NXPH1: variants seen among roughly 807,000 people sequenced by gnomAD.
NXPH1 encodes neurexophilin 1.
A neutral mutation model predicts 23.7 loss-of-function variants in NXPH1; 5 were observed. The ratio of observed to expected loss-of-function variants is 0.21; its 90% CI spans 0.11 to 0.44. The LOEUF (loss-of-function observed/expected upper bound fraction) is 0.44, where lower values mean the gene tolerates loss of function less well. Ranked by LOEUF, NXPH1 falls within the 20% of genes least tolerant of loss-of-function variation. The pLI, the probability that NXPH1 is intolerant of heterozygous loss-of-function variation, is 0.99. For missense variants in NXPH1, 324 were observed against 321.6 expected, an observed-to-expected ratio of 1.01 and a Z score of -0.06; for synonymous variants, 144 against 122.2, an observed-to-expected ratio of 1.18 and a Z score of -1.18.
At chr7:8,573,583 C>T (rs1353041781) in intron 2 of NXPH1, among the ~76,000 whole-genome samples, 1 of 152,104 alleles carries the variant, frequency 6.6e-6, no homozygotes, top group Non-Finnish European at 1.5e-5. Context: ...TACAAACAGC[C>T]TGAAAAGGCA....
At chr7:8,558,427 T>C (rs1436153299) in intron 2 of NXPH1, among the ~76,000 whole-genome samples, 2 of 151,640 alleles carry the variant, frequency 1.3e-5, no homozygotes, top group Admixed American at 6.6e-5. Flanking sequence ...TATTAGTAAA[T>C]GGTTAACAGT....
intron 2 of NXPH1, among the ~76,000 whole-genome samples, chr7:8,541,740 G>A: frequency 6.6e-6 from 1 of 151,516 alleles, no homozygotes. Context: ...GGGGGAAAAT[G>A]GAAGTATATT....
chr7:8,626,861 T>C (rs147191387), intron 2 of NXPH1, among the ~76,000 whole-genome samples: 31 of 152,236 alleles, frequency 2.0e-4, no homozygotes, highest in African/African-American at 5.8e-4. Context: ...CTGGGCACTC[T>C]GCCTACTTAC....
At chr7:8,674,190 C>T (rs1820913857) in intron 2 of NXPH1, among the ~76,000 whole-genome samples, 3 of 143,932 alleles carry the variant, frequency 2.1e-5, no homozygotes, top group Non-Finnish European at 4.6e-5. Context: ...CACACACACA[C>T]ACACACACAC....
chr7:8,567,356 A>G (rs767091806), intron 2 of NXPH1, among the ~76,000 whole-genome samples: 1 of 151,926 alleles, frequency 6.6e-6, no homozygotes, highest in Non-Finnish European at 1.5e-5. Context: ...CAGGGGTCTT[A>G]TAGTAAATAC....
chr7:8,696,181 T>A (rs1389463585), intron 2 of NXPH1, among the ~76,000 whole-genome samples: 3 of 152,224 alleles, frequency 2.0e-5, no homozygotes, highest in Non-Finnish European at 4.4e-5. Flanking sequence ...AAAACTAACT[T>A]ACGTTTTCTG....
At chr7:8,662,959 C>A (rs938882355) in intron 2 of NXPH1, among the ~76,000 whole-genome samples, 2 of 152,044 alleles carry the variant, frequency 1.3e-5, no homozygotes, top group African/African-American at 4.8e-5. Context: ...TTATCTTTAT[C>A]AAAAATTTAC....
chr7:8,747,433 G>A (rs531786513), intron 2 of NXPH1, among the ~76,000 whole-genome samples: 5 of 152,224 alleles, frequency 3.3e-5, no homozygotes, highest in African/African-American at 7.2e-5. Context: ...TATGCTACTG[G>A]TAAATTGAGC....
chr7:8,706,051 G>T (rs186586527), intron 2 of NXPH1, among the ~76,000 whole-genome samples: 3 of 152,266 alleles, frequency 2.0e-5, no homozygotes, highest in Non-Finnish European at 4.4e-5. Flanking sequence ...GATGTATCTG[G>T]AAATGGAGAT....
At chr7:8,679,010 C>T (rs1210821696) in intron 2 of NXPH1, among the ~76,000 whole-genome samples, 1 of 133,572 alleles carries the variant, frequency 7.5e-6, no homozygotes, top group Non-Finnish European at 1.5e-5. Context: ...TGCAGTGGCA[C>T]GATTTCGGCT....
intron 2 of NXPH1, among the ~76,000 whole-genome samples, chr7:8,479,504 G>A (rs1371062024): frequency 2.6e-5 from 4 of 152,116 alleles, no homozygotes; most frequent in Admixed American, 6.6e-5. Flanking sequence ...ATGTATAAAT[G>A]TATATCTTTG....
intron 2 of NXPH1, among the ~76,000 whole-genome samples, chr7:8,582,916 C>A (rs146867690): frequency 6.6e-6 from 1 of 152,194 alleles, no homozygotes; most frequent in African/African-American, 2.4e-5. Flanking sequence ...AGGCTGTTCA[C>A]GCTGAGGGGC....
At chr7:8,468,406 C>T (rs1234696304) in intron 2 of NXPH1, among the ~76,000 whole-genome samples, 3 of 151,968 alleles carry the variant, frequency 2.0e-5, no homozygotes, top group African/African-American at 7.2e-5. Flanking sequence ...AAATGCTGAC[C>T]GTTAGATAAA....
At chr7:8,541,973 G>A (rs908342422) in intron 2 of NXPH1, among the ~76,000 whole-genome samples, 4 of 151,308 alleles carry the variant, frequency 2.6e-5, no homozygotes, top group Non-Finnish European at 5.9e-5. Flanking sequence ...AACTAATAGC[G>A]AGATAATGAT....
intron 2 of NXPH1, among the ~76,000 whole-genome samples, chr7:8,584,803 C>T (rs889361045): frequency 9.9e-5 from 15 of 152,124 alleles, no homozygotes; most frequent in African/African-American, 3.6e-4. Context: ...CAAGGTATCC[C>T]ATTTCAAATT....
At chr7:8,713,951 C>G (rs762421049) in intron 2 of NXPH1, among the ~76,000 whole-genome samples, 50 of 152,224 alleles carry the variant, frequency 3.3e-4, no homozygotes, top group Non-Finnish European at 6.0e-4. Flanking sequence ...CTCAAGGCCC[C>G]GGCAACCACT....
chr7:8,621,493 T>C (rs1472900582), intron 2 of NXPH1, among the ~76,000 whole-genome samples: 1 of 151,098 alleles, frequency 6.6e-6, no homozygotes. Flanking sequence ...AGCCACTCTT[T>C]TTTTTTTTTT....
At chr7:8,514,987 TC>T (rs1188547321) in intron 2 of NXPH1, among the ~76,000 whole-genome samples, 3 of 152,106 alleles carry the variant, frequency 2.0e-5, no homozygotes, top group Admixed American at 2.0e-4. Context: ...TAGTGCCTTT[TC>T]TCCCTTCCCA....
At chr7:8,724,086 G>A (rs2115209130) in intron 2 of NXPH1, among the ~76,000 whole-genome samples, 1 of 152,312 alleles carries the variant, frequency 6.6e-6, no homozygotes, top group South Asian at 2.1e-4. Context: ...TTTAGTGGAT[G>A]ACGGCTTTTA....
Sources: gnomAD v4.1 joint callset for allele counts (sites outside exome capture counted in the v4.1 genomes callset) on GRCh38, gnomAD v4.1.1 for gene constraint, MANE v1.5 for transcripts, NCBI Gene and HGNC (gene_info 2026-07-23, HGNC 2026-07-21) for gene names.